Variants in GPC5 observed in about 807,000 individuals in gnomAD.
GPC5 encodes the protein glypican-5.
A neutral mutation model predicts 53.9 loss-of-function variants in GPC5; 47 were observed. The observed-to-expected ratio is 0.87, with a 90% CI of 0.69 to 1.11. The LOEUF (loss-of-function observed/expected upper bound fraction) is 1.11. Among genes scored for constraint, GPC5 ranks in the 50% most tolerant of loss-of-function variants. The probability of loss-of-function intolerance (pLI) is 0.00; values close to 1 mark genes in which losing one functional copy is unlikely to be tolerated. For synonymous variants in GPC5, 286 were observed against 263.3 expected (o/e 1.09, Z -0.84); for missense variants, 748 against 713.1 (o/e 1.05, Z -0.56).
intron 3 of GPC5, among the ~76,000 whole-genome samples, chr13:91,697,837 A>G (rs2035911834): frequency 1.3e-5 from 2 of 152,104 alleles, no homozygotes; most frequent in African/African-American, 2.4e-5. Context: ...TCTAAACAGA[A>G]CAAATGTTAC....
chr13:92,441,571 C>A (rs1458401484), intron 7 of GPC5, among the ~76,000 whole-genome samples: 1 of 152,106 alleles, frequency 6.6e-6, no homozygotes, highest in Non-Finnish European at 1.5e-5. Context: ...ATCAAGAGTG[C>A]AATCCCAGTT....
intron 7 of GPC5, chr13:92,449,071 C>A (rs932446798): frequency 6.6e-6 from 1 of 151,276 alleles, no homozygotes; most frequent in Non-Finnish European, 1.5e-5. Flanking sequence ...TCTTTACAAC[C>A]ATTTTTATAG....
intron 7 of GPC5, among the ~76,000 whole-genome samples, chr13:92,231,440 T>A (rs894731720): frequency 5.3e-5 from 8 of 152,094 alleles, no homozygotes; most frequent in Admixed American, 5.2e-4. Flanking sequence ...GTCCTAATTG[T>A]TTGGAGGACA....
intron 5 of GPC5, among the ~76,000 whole-genome samples, chr13:91,849,327 C>T (rs1012438604): frequency 4.6e-5 from 7 of 152,128 alleles, no homozygotes; most frequent in African/African-American, 1.7e-4. Context: ...CCAGACACTG[C>T]TATATAGAGG....
At chr13:91,743,885 T>G (rs2036990859) in intron 4 of GPC5, among the ~76,000 whole-genome samples, 1 of 152,162 alleles carries the variant, frequency 6.6e-6, no homozygotes, top group Admixed American at 6.6e-5. Context: ...TTGTTTAGGC[T>G]CATATTTGTA....
intron 6 of GPC5, among the ~76,000 whole-genome samples, chr13:92,061,244 A>G (rs1054062273): frequency 6.6e-6 from 1 of 152,052 alleles, no homozygotes; most frequent in Admixed American, 6.5e-5. Context: ...AATAATAATC[A>G]TGGCAAGAGA....
intron 5 of GPC5, among the ~76,000 whole-genome samples, chr13:91,777,711 A>T (rs2037733784): frequency 6.9e-6 from 1 of 143,886 alleles, no homozygotes; most frequent in Non-Finnish European, 1.6e-5. Context: ...CTTAGATAGG[A>T]ACCTGAAAAC....
chr13:91,663,397 GT>G (rs1474482364), intron 2 of GPC5, among the ~76,000 whole-genome samples: 1 of 152,074 alleles, frequency 6.6e-6, no homozygotes, highest in East Asian at 1.9e-4. Flanking sequence ...ATAAATATAT[GT>G]GCTTATTATT....
intron 2 of GPC5, among the ~76,000 whole-genome samples, chr13:91,529,113 A>C (rs1336392833): frequency 6.6e-6 from 1 of 152,188 alleles, no homozygotes; most frequent in Non-Finnish European, 1.5e-5. Context: ...GTACACATAG[A>C]GCAAAACTAC....
intron 7 of GPC5, among the ~76,000 whole-genome samples, chr13:92,628,730 A>G (rs7999205): frequency 2.0e-5 from 3 of 151,766 alleles, no homozygotes. Flanking sequence ...AAGTGTTCAA[A>G]CCCCTGACTC....
intron 7 of GPC5, among the ~76,000 whole-genome samples, chr13:92,412,038 C>G (rs1353686901): frequency 6.6e-6 from 1 of 152,136 alleles, no homozygotes; most frequent in South Asian, 2.1e-4. Context: ...GATTATTAAC[C>G]TTTGACATAC....
At chr13:91,892,873 A>T (rs1382532122) in intron 5 of GPC5, among the ~76,000 whole-genome samples, 1 of 151,942 alleles carries the variant, frequency 6.6e-6, no homozygotes, top group East Asian at 1.9e-4. Context: ...TTATTCACAA[A>T]CATTTATCTT....
chr13:92,702,372 A>G (rs548606465), intron 7 of GPC5, among the ~76,000 whole-genome samples: 1 of 152,104 alleles, frequency 6.6e-6, no homozygotes. Flanking sequence ...ACAGCATCTT[A>G]AATTTCCAAA....
intron 7 of GPC5, among the ~76,000 whole-genome samples, chr13:92,574,284 C>T (rs549339228): frequency 6.5e-4 from 99 of 152,264 alleles, no homozygotes; most frequent in African/African-American, 2.2e-3. Flanking sequence ...CTGCTAGCAC[C>T]TTTTCAGAGT....
At chr13:92,171,205 CT>C (rs1217611178) in intron 7 of GPC5, among the ~76,000 whole-genome samples, 1 of 152,140 alleles carries the variant, frequency 6.6e-6, no homozygotes, top group African/African-American at 2.4e-5. Flanking sequence ...TCAAGGACCA[CT>C]TTTTTGTTCT....
At chr13:91,892,012 A>G (rs1018155203) in intron 5 of GPC5, among the ~76,000 whole-genome samples, 1 of 152,088 alleles carries the variant, frequency 6.6e-6, no homozygotes, top group Non-Finnish European at 1.5e-5. Flanking sequence ...TAGCTATTTA[A>G]CAACCCAAAT....
At chr13:92,248,791 A>G (rs991942661) in intron 7 of GPC5, among the ~76,000 whole-genome samples, 4 of 152,082 alleles carry the variant, frequency 2.6e-5, no homozygotes, top group Admixed American at 6.6e-5. Context: ...CTCTTGTTTC[A>G]CTGTTGCTGT....
intron 5 of GPC5, among the ~76,000 whole-genome samples, chr13:91,849,849 C>T (rs529895922): frequency 6.6e-6 from 1 of 152,064 alleles, no homozygotes; most frequent in South Asian, 2.1e-4. Flanking sequence ...AAAATGATGT[C>T]ATGTGACCAT....
intron 2 of GPC5, among the ~76,000 whole-genome samples, chr13:91,582,001 G>T (rs958249362): frequency 2.6e-5 from 4 of 152,148 alleles, no homozygotes; most frequent in African/African-American, 9.7e-5. Context: ...TGCTAAATTA[G>T]GCTTAGGGAG....
Sources: gnomAD v4.1 joint callset for allele counts (sites outside exome capture counted in the v4.1 genomes callset) on GRCh38, gnomAD v4.1.1 for gene constraint, MANE v1.5 for transcripts, NCBI Gene and HGNC (gene_info 2026-07-23, HGNC 2026-07-21) for gene names.